INSL6: variants seen among roughly 807,000 people sequenced by gnomAD.
The protein encoded by INSL6 is insulin like 6, also known as insulin-like peptide INSL6.
In INSL6, 16 loss-of-function variants were observed where a neutral mutation model predicts 9.4. The observed-to-expected ratio is 1.70, with a 90% CI of 1.15 to 2.59. The LOEUF (loss-of-function observed/expected upper bound fraction) is 2.59. Ranked by LOEUF, INSL6 falls within the 30% of genes most tolerant of loss-of-function variation. The pLI, the probability that INSL6 is intolerant of heterozygous loss-of-function variation, is 0.00. For missense variants in INSL6, 391 were observed against 257.3 expected (o/e 1.52, Z -3.56); for synonymous variants, 154 against 96.9 (o/e 1.59, Z -3.46).
chr9:5,153,738 T>C (rs933197062), intron 2 of INSL6, among the ~76,000 whole-genome samples: 5 of 152,186 alleles, frequency 3.3e-5, no homozygotes, highest in Admixed American at 1.3e-4. Flanking sequence ...ACTAAGAGAA[T>C]GTAATACCTA....
intron 2 of INSL6, among the ~76,000 whole-genome samples, chr9:5,135,145 T>C (rs1043205068): frequency 2.0e-5 from 3 of 152,082 alleles, no homozygotes; most frequent in Non-Finnish European, 4.4e-5. Context: ...CTATCCTAAA[T>C]ATATATGCAC....
chr9:5,140,396 T>C (rs1824473980), intron 2 of INSL6, among the ~76,000 whole-genome samples: 1 of 152,168 alleles, frequency 6.6e-6, no homozygotes, highest in Admixed American at 6.6e-5. Flanking sequence ...TAAAAACTTT[T>C]GACTCATTTT....
the INSL6 span, chr9:5,021,839 C>G: frequency 3.3e-6 from 2 of 605,858 alleles, no homozygotes; most frequent in Non-Finnish European, 5.8e-6. Context: ...CACCATGTTG[C>G]TGAGGCTTGT....
the INSL6 span, chr9:5,111,541 CG>C: frequency 2.7e-6 from 1 of 370,450 alleles, no homozygotes; most frequent in South Asian, 2.1e-5. Context: ...GCGCCTGTCC[CG>C]CCCCCTTCTA....
the INSL6 span, chr9:5,114,554 C>T: frequency 2.1e-6 from 1 of 484,636 alleles, no homozygotes; most frequent in Non-Finnish European, 4.1e-6. Flanking sequence ...GCACCCTCAC[C>T]TGCCTGATCC....
downstream of INSL6, among the ~76,000 whole-genome samples, chr9:5,119,076 T>A (rs1823420634): frequency 6.6e-6 from 1 of 152,326 alleles, no homozygotes; most frequent in East Asian, 1.9e-4. Context: ...TTTTATCATG[T>A]TTTAAATATA....
downstream of INSL6, among the ~76,000 whole-genome samples, chr9:5,121,354 T>TG (rs1823604512): frequency 6.6e-6 from 1 of 152,222 alleles, no homozygotes; most frequent in Admixed American, 6.5e-5. Flanking sequence ...AGTCCTCAAG[T>TG]AAGAAGACTT....
the INSL6 span, chr9:5,089,533 G>T: frequency 1.7e-5 from 5 of 302,272 alleles, no homozygotes; most frequent in Admixed American, 1.9e-4. Flanking sequence ...GCGAGACTTC[G>T]TCTCAAAAAA....
chr9:5,006,702 A>G, the INSL6 span, among the ~76,000 whole-genome samples: 7 of 152,324 alleles, frequency 4.6e-5, no homozygotes, highest in Admixed American at 2.6e-4. Flanking sequence ...CTCACTCACT[A>G]TCATGAGACT....
chr9:5,081,875 A>G, the INSL6 span: 1 of 1,601,158 alleles, frequency 6.2e-7, no homozygotes, highest in Non-Finnish European at 8.5e-7. Context: ...AATTGTCAGA[A>G]TTTTTTCAAA....
chr9:5,051,431 G>T, the INSL6 span, among the ~76,000 whole-genome samples: 3 of 152,122 alleles, frequency 2.0e-5, no homozygotes, highest in African/African-American at 7.2e-5. Context: ...AGACTCACGT[G>T]GGGGAGCCTG....
chr9:4,996,740 C>G, the INSL6 span, among the ~76,000 whole-genome samples: 1 of 151,792 alleles, frequency 6.6e-6, no homozygotes, highest in African/African-American at 2.4e-5. Flanking sequence ...GGTAAGTATT[C>G]TGCGATAATT....
chr9:5,111,677 G>T, the INSL6 span: 1 of 420,672 alleles, frequency 2.4e-6, no homozygotes, highest in Non-Finnish European at 4.7e-6. Flanking sequence ...CGGCCCTGTG[G>T]GCAGTGGCGG....
the INSL6 span, among the ~76,000 whole-genome samples, chr9:5,036,322 A>G: frequency 0.022 from 3,324 of 152,332 alleles, 116 homozygotes; most frequent in Non-Finnish European, 0.026. Flanking sequence ...TATGGATTCA[A>G]TGCCATCCCC....
At chr9:5,178,731 T>C (rs1022062015) in intron 1 of INSL6, among the ~76,000 whole-genome samples, 2 of 152,162 alleles carry the variant, frequency 1.3e-5, no homozygotes, top group Admixed American at 6.5e-5. Context: ...CATACGATCT[T>C]GGACAAACCT....
intron 2 of INSL6, among the ~76,000 whole-genome samples, chr9:5,157,293 C>T (rs1315050904): frequency 6.6e-6 from 1 of 151,998 alleles, no homozygotes. Context: ...ATAGCCAATA[C>T]AACTTTGGAA....
chr9:5,014,764 A>G, the INSL6 span, among the ~76,000 whole-genome samples: 1 of 152,198 alleles, frequency 6.6e-6, no homozygotes, highest in Non-Finnish European at 1.5e-5. Context: ...ATAAATGACA[A>G]TATGTTAAAC....
At chr9:5,141,615 T>A (rs1260536611) in intron 2 of INSL6, among the ~76,000 whole-genome samples, 1 of 152,248 alleles carries the variant, frequency 6.6e-6, no homozygotes, top group Non-Finnish European at 1.5e-5. Context: ...ATGCTGGATA[T>A]TAGACCTTTG....
the INSL6 span, among the ~76,000 whole-genome samples, chr9:5,010,948 C>CA: frequency 5.3e-5 from 8 of 152,198 alleles, no homozygotes; most frequent in Non-Finnish European, 7.3e-5. Flanking sequence ...CTCTCCCTAC[C>CA]AGTACTTTGT....
Sources: allele counts gnomAD v4.1 joint callset (sites outside exome capture counted in the v4.1 genomes callset), GRCh38; gene constraint gnomAD v4.1.1; transcripts MANE v1.5; gene names NCBI Gene and HGNC (gene_info 2026-07-23, HGNC 2026-07-21).